The following AGAP1 variants were observed in gnomAD, a reference collection of about 807,000 sequenced individuals.
AGAP1 encodes the protein ArfGAP with GTPase domain, ankyrin repeat and PH domain 1.
AGAP1 carries 29 observed loss-of-function variants against 105.3 expected under a neutral mutation model. That is an observed-to-expected ratio of 0.28 (90% CI 0.21 to 0.38). AGAP1 has a LOEUF of 0.38. Among genes scored for constraint, AGAP1 ranks in the 10% least tolerant of loss-of-function variants. The probability of loss-of-function intolerance (pLI) is 1.00; values close to 1 mark genes in which losing one functional copy is unlikely to be tolerated. For missense variants in AGAP1, 998 were observed against 1,165.1 expected (o/e 0.86, Z 2.09); for synonymous variants, 509 against 485.9 (o/e 1.05, Z -0.63).
At chr2:236,039,351 G>A (rs1309534377) in intron 14 of AGAP1, among the ~76,000 whole-genome samples, 1 of 152,100 alleles carries the variant, frequency 6.6e-6, no homozygotes, top group Non-Finnish European at 1.5e-5. Flanking sequence ...AGGCTGAGGT[G>A]GGAGGACCAC....
At chr2:235,785,623 C>G (rs1303048903) in intron 6 of AGAP1, among the ~76,000 whole-genome samples, 3 of 151,994 alleles carry the variant, frequency 2.0e-5, no homozygotes, top group Admixed American at 2.0e-4. Flanking sequence ...GTTTCTTTAG[C>G]TGGAATAATT....
chr2:235,804,498 T>A (rs559174956), intron 8 of AGAP1, among the ~76,000 whole-genome samples: 1 of 152,116 alleles, frequency 6.6e-6, no homozygotes, highest in African/African-American at 2.4e-5. Context: ...CCTCCCCTAG[T>A]GTGTTCCAGC....
intron 16 of AGAP1, among the ~76,000 whole-genome samples, chr2:236,112,462 C>A (rs1219079635): frequency 6.6e-6 from 1 of 152,114 alleles, no homozygotes; most frequent in Non-Finnish European, 1.5e-5. Flanking sequence ...TCCCCACAAC[C>A]CTGACTTGCA....
In AGAP1 at chr2:235,795,477, C is replaced by G. The variant is rs1957202524; in HGVS notation, c.674-2282C>G. 6.6e-5 allele frequency among the ~76,000 whole-genome samples: 10 copies of G among 152,318 alleles called. 1 individual carries two copies. In the South Asian group the frequency reaches 1.9e-3, roughly 28 times the overall value. On this transcript the variant is annotated intron_variant, in intron 6 of 17. Coordinates refer to ENST00000304032, the MANE Select transcript of AGAP1 (RefSeq NM_001037131.3). ...TATTCCTCATGCTCCCGCTCCTCCTCCTGAAGTCAGATACTTTTTGTTCTT... is the reference window on the plus strand; with the variant it reads ...TATTCCTCATGCTCCCGCTCCTCCTGCTGAAGTCAGATACTTTTTGTTCTT...
intron 5 of AGAP1, among the ~76,000 whole-genome samples, chr2:235,746,884 T>C (rs753901341): frequency 6.6e-6 from 1 of 151,972 alleles, no homozygotes; most frequent in Non-Finnish European, 1.5e-5. Flanking sequence ...TGCGATCAGG[T>C]TCTGTTCTCT....
At position 235,819,526 on chromosome 2, in the gene AGAP1, C is replaced by T. The variant is rs142387459; in HGVS notation, c.1050+12195C>T. Among the ~76,000 whole-genome samples, 22 of 152,264 alleles carry T rather than the reference C, an allele frequency of 1.4e-4. No homozygotes were observed. In the East Asian group the frequency reaches 1.9e-3, roughly 13 times the overall value. ...GTCACTTAGGGCTTCTTTCCTTTCC[C>T]GCCTCACAAATAGATGACTCTTTGA... On this transcript the variant is annotated intron_variant, in intron 9 of 17. Coordinates refer to ENST00000304032, the MANE Select transcript of AGAP1 (RefSeq NM_001037131.3).
rs1324628945 is a variant in AGAP1 at position 236,051,759 on chromosome 2, C to T, written c.2114+2478C>T. 6.6e-6 allele frequency among the ~76,000 whole-genome samples: 1 copy of T among 152,156 alleles called. No homozygotes were observed. The highest frequency in any genetic ancestry group is 1.5e-5 in the Non-Finnish European group (1 of 68,024). The stretch of plus-strand genomic sequence containing the variant: ...ATGGGTTCTGTCTGTCCCACCTGTT[C>T]CCAAGAGGACTAAAGGCAGCCAGCA... On this transcript the variant is annotated intron_variant, in intron 16 of 17. Transcript: ENST00000304032. This position sits in a 1 kb window ranked among gnomAD's most constrained non-coding sequence, Gnocchi z 5.9.
rs1467747815 is a variant in AGAP1, at chr2:235,792,698, CGACTGAGCTA to C, written c.674-5058_674-5049del. Among the ~76,000 whole-genome samples the C allele has an allele frequency of 6.6e-6, 1 of 152,158 alleles. No individual in the cohort carries two copies. Among genetic ancestry groups the C allele is most frequent in the Non-Finnish European group, 1.5e-5 (1 of 68,026 alleles). The stretch of plus-strand genomic sequence containing the variant: ...CATGGTGAAGAGCGGGTTGTGCCAT[CGACTGAGCTA>C]GAAAACAGACGAGAGGCAGGTCTGA... On this transcript the variant is annotated intron_variant, in intron 6 of 17. Transcript: ENST00000304032. This position sits in a 1 kb window ranked among gnomAD's most constrained non-coding sequence, Gnocchi z 5.3.
chr2:235,912,835 G>A (rs940119060), intron 11 of AGAP1, among the ~76,000 whole-genome samples: 3 of 152,316 alleles, frequency 2.0e-5, no homozygotes, highest in African/African-American at 4.8e-5. Context: ...TCTGATGAGC[G>A]ATAAAAATGC....
intron 6 of AGAP1, chr2:235,776,824 G>C: frequency 2.2e-6 from 1 of 457,824 alleles, no homozygotes; most frequent in Non-Finnish European, 4.5e-6. Flanking sequence ...CGTCCCTCAG[G>C]CATCGGCACC....
At position 235,728,871 on chromosome 2, in the gene AGAP1, A is replaced by G. The variant is rs1321427139; in HGVS notation, c.310+11227A>G. Reference sequence around the variant, plus strand: ...AAGGGAGTAGGTTTAGGTTGGATGAAGAAGGGAGGTTTGGAGCCTGGACGA... The same window carrying G: ...AAGGGAGTAGGTTTAGGTTGGATGAGGAAGGGAGGTTTGGAGCCTGGACGA... On this transcript the variant is annotated intron_variant, in intron 3 of 17. Coordinates refer to ENST00000304032, the MANE Select transcript of AGAP1 (RefSeq NM_001037131.3). This position sits in a 1 kb window ranked among gnomAD's most constrained non-coding sequence, Gnocchi z 4.3. Among the ~76,000 whole-genome samples the G allele has an allele frequency of 6.6e-6, 1 of 152,144 alleles. No homozygotes were observed. The highest frequency in any genetic ancestry group is 1.5e-5 in the Non-Finnish European group (1 of 68,022).
At chr2:235,808,084 G>A (rs1957937277) in intron 9 of AGAP1, among the ~76,000 whole-genome samples, 1 of 151,740 alleles carries the variant, frequency 6.6e-6, no homozygotes. Flanking sequence ...GACGTAGATT[G>A]TGGTTTGATT....
At chr2:236,108,337 A>T (rs930181017) in intron 16 of AGAP1, among the ~76,000 whole-genome samples, 2 of 152,092 alleles carry the variant, frequency 1.3e-5, no homozygotes, top group African/African-American at 4.8e-5. Flanking sequence ...GCACTCTGGA[A>T]ATTCCTTGCT....
intron 9 of AGAP1, among the ~76,000 whole-genome samples, chr2:235,833,536 C>T (rs2106353161): frequency 6.6e-6 from 1 of 152,120 alleles, no homozygotes; most frequent in Admixed American, 6.5e-5. Context: ...CTCTCCTCAT[C>T]ACCCCGCCCC....
At position 235,763,073 on chromosome 2, in the gene AGAP1, C is replaced by CTGTGTGTGTGT. The variant is rs1411019322; in HGVS notation, c.673+12585_673+12586insTGTGTGTGTGT. ...GTGTATGTGTGCGCGCGCGCGCACACGTGCACCTGCCGTGTTTGAAAAAAA... is the reference window on the plus strand; with the variant it reads ...GTGTATGTGTGCGCGCGCGCGCACACTGTGTGTGTGTGTGCACCTGCCGTGTTTGAAAAAAA... On this transcript the variant is annotated intron_variant, in intron 6 of 17. Coordinates refer to ENST00000304032, the MANE Select transcript of AGAP1 (RefSeq NM_001037131.3). Among the ~76,000 whole-genome samples the CTGTGTGTGTGT allele has an allele frequency of 1.8e-3, 262 of 148,856 alleles. 1 individual carries two copies. Among genetic ancestry groups the CTGTGTGTGTGT allele is most frequent in the African/African-American group, 6.1e-3 (238 of 39,120 alleles).
rs549533745 is a variant in AGAP1, at chr2:236,101,959, C to T, written c.2115-18233C>T. 1.2e-4 allele frequency among the ~76,000 whole-genome samples: 19 copies of T among 152,340 alleles called. No individual in the cohort carries two copies. The highest frequency in any genetic ancestry group is 4.3e-4 in the African/African-American group (18 of 41,592). On this transcript the variant is annotated intron_variant, in intron 16 of 17. Coordinates refer to ENST00000304032, the MANE Select transcript of AGAP1 (RefSeq NM_001037131.3). This position sits in a 1 kb window ranked among gnomAD's most constrained non-coding sequence, Gnocchi z 4.9. ...GTGCAAACATACTCACACACAGTTT[C>T]CAAATGAAGTCACAAACTTCCCTTA... is the stretch of plus-strand genomic sequence containing the variant.
At position 235,919,810 on chromosome 2, in the gene AGAP1, A is replaced by G. The variant is rs2052084045; in HGVS notation, c.1324+10904A>G. 6.6e-6 allele frequency among the ~76,000 whole-genome samples: 1 copy of G among 152,152 alleles called. No homozygotes were observed. Among genetic ancestry groups the G allele is most frequent in the African/African-American group, 2.4e-5 (1 of 41,440 alleles). Reference sequence around the variant, plus strand: ...GCAAAGGAAGACACCAAACAAAGAAAAATTCTTTTCTTCTCCGTCTTCACA... The same window carrying G: ...GCAAAGGAAGACACCAAACAAAGAAGAATTCTTTTCTTCTCCGTCTTCACA... On this transcript the variant is annotated intron_variant, in intron 11 of 17. Transcript: ENST00000304032. This position sits in a 1 kb window ranked among gnomAD's most constrained non-coding sequence, Gnocchi z 4.1.
Position 235,557,059 on chromosome 2 carries a change from G to A in AGAP1, c.163+62210G>A, listed in dbSNP as rs915464616. Among the ~76,000 whole-genome samples the A allele has an allele frequency of 5.3e-5, 8 of 152,192 alleles. No homozygotes were observed. The highest frequency in any genetic ancestry group is 8.8e-5 in the Non-Finnish European group (6 of 68,038). Reference sequence around the variant, plus strand: ...CAGACTTGGCCTTCCCAGCTGGCGCGGGACTGGGGACTTAGGGGACTGGGT... The same window carrying A: ...CAGACTTGGCCTTCCCAGCTGGCGCAGGACTGGGGACTTAGGGGACTGGGT... On this transcript the variant is annotated intron_variant, in intron 1 of 17. Transcript: ENST00000304032. This position sits in a 1 kb window ranked among gnomAD's most constrained non-coding sequence, Gnocchi z 4.7.
At position 236,038,815 on chromosome 2, in the gene AGAP1, TTGTATG is replaced by T. The variant is rs773358838; in HGVS notation, c.1801-1932_1801-1927del. Among the ~76,000 whole-genome samples, 168 of 128,568 alleles carry T rather than the reference TTGTATG, an allele frequency of 1.3e-3. No individual in the cohort carries two copies. The highest frequency in any genetic ancestry group is 3.4e-3 in the East Asian group (16 of 4,776). 84.3% of individuals were successfully genotyped at this position (128,568 alleles called of 152,430 possible). A position where few individuals can be genotyped will look rare whatever the true frequency, so the allele number is the denominator to read the frequency against. On this transcript the variant is annotated intron_variant, in intron 14 of 17. Coordinates refer to ENST00000304032, the MANE Select transcript of AGAP1 (RefSeq NM_001037131.3). The surrounding 1 kb of genome is among the most constrained non-coding windows in gnomAD (Gnocchi z 4.5). ...CACAGAGAGACAGAGGCACATCCCTTTGTATGTGTGTGTGTGTGTGTGTGTGTGTGT... is the reference window on the plus strand; with the variant it reads ...CACAGAGAGACAGAGGCACATCCCTTTGTGTGTGTGTGTGTGTGTGTGTGT...
Sources: gnomAD v4.1 joint callset for allele counts (sites outside exome capture counted in the v4.1 genomes callset) on GRCh38, gnomAD v4.1.1 for gene constraint, Gnocchi (gnomAD v3.1) non-coding constraint, MANE v1.5 for transcripts, NCBI Gene and HGNC (gene_info 2026-07-23, HGNC 2026-07-21) for gene names.